Variants in RBBP6 observed in about 807,000 individuals in gnomAD.
The protein encoded by RBBP6 is E3 ubiquitin-protein ligase RBBP6.
RBBP6 carries 25 observed loss-of-function variants against 167.7 expected under a neutral mutation model. The observed-to-expected ratio is 0.15, with a 90% CI of 0.11 to 0.21. The LOEUF (loss-of-function observed/expected upper bound fraction) is 0.21, where lower values mean the gene tolerates loss of function less well. RBBP6 is among the 10% of genes least tolerant of loss of function. The pLI is 1.00. For missense variants in RBBP6, 1,868 were observed against 2,134.2 expected (o/e 0.88, Z 2.46); for synonymous variants, 789 against 735.8 (o/e 1.07, Z -1.17).
chr16:24,543,179 A>C (rs1898547548), intron 1 of RBBP6, among the ~76,000 whole-genome samples: 1 of 152,160 alleles, frequency 6.6e-6, no homozygotes, highest in South Asian at 2.1e-4. Context: ...ATCACAGTTA[A>C]GGTCCAGTTT....
At position 24,571,538 on chromosome 16, in the gene RBBP6, A is replaced by T; in HGVS notation, c.4472A>T (p.Lys1491Met). The part of the protein sequence containing the change: ...EYSSSKRRDE[K>M]NELTRRKDSP... ...TCAAGTTCCAAACGTAGAGATGAAAAGAATGAATTAACAAGACGAAAAGAC... is the reference window on the plus strand; with the variant it reads ...TCAAGTTCCAAACGTAGAGATGAAATGAATGAATTAACAAGACGAAAAGAC... Residue 1491 changes from lysine to methionine, a missense_variant, in exon 18 of 18, where the codon AAG becomes ATG. Around this residue, in one of 7 missense-constraint regions of RBBP6, gnomAD observed 591 missense variants for 540.5 expected, o/e 1.09. Coordinates refer to ENST00000319715, the MANE Select transcript of RBBP6 (RefSeq NM_006910.5). 1 of 1,613,770 alleles carries T rather than the reference A, an allele frequency of 6.2e-7. No individual in the cohort carries two copies. The highest frequency in any genetic ancestry group is 1.1e-5 in the South Asian group (1 of 90,926).
At chr16:24,543,444 G>C (rs1017562908) in intron 1 of RBBP6, among the ~76,000 whole-genome samples, 1 of 151,784 alleles carries the variant, frequency 6.6e-6, no homozygotes, top group Non-Finnish European at 1.5e-5. Context: ...CACCATGCCT[G>C]GCTAATTTAT....
chr16:24,556,919 T>C (rs1898924180), intron 7 of RBBP6, among the ~76,000 whole-genome samples: 1 of 152,060 alleles, frequency 6.6e-6, no homozygotes, highest in Non-Finnish European at 1.5e-5. Context: ...CATGTGAGTC[T>C]TAAGATTCTC....
At chr16:24,548,567 G>C (rs1898721119) in intron 2 of RBBP6, among the ~76,000 whole-genome samples, 1 of 152,212 alleles carries the variant, frequency 6.6e-6, no homozygotes, top group East Asian at 1.9e-4. Flanking sequence ...TTCCTGATGT[G>C]TGAAAATTTA....
chr16:24,549,633 G>C (rs1024339501), intron 3 of RBBP6, among the ~76,000 whole-genome samples: 3 of 151,858 alleles, frequency 2.0e-5, no homozygotes, highest in African/African-American at 7.3e-5. Context: ...GTTTACATCT[G>C]TACTATAAAG....
chr16:24,542,860 A>G (rs1169421620), intron 1 of RBBP6, among the ~76,000 whole-genome samples: 1 of 152,188 alleles, frequency 6.6e-6, no homozygotes, highest in Non-Finnish European at 1.5e-5. Flanking sequence ...AATAAATGAT[A>G]CGTAATTCAA....
intron 1 of RBBP6, among the ~76,000 whole-genome samples, chr16:24,544,329 A>G (rs1898581285): frequency 6.6e-6 from 1 of 152,220 alleles, no homozygotes. Flanking sequence ...GATAAAGATT[A>G]TAGTCCTACA....
At chr16:24,565,260 C>T (rs1899165914) in intron 14 of RBBP6, among the ~76,000 whole-genome samples, 1 of 152,216 alleles carries the variant, frequency 6.6e-6, no homozygotes. Context: ...AACTATTTCT[C>T]TTCTAGACCC....
chr16:24,542,584 A>G (rs1234277859), intron 1 of RBBP6, among the ~76,000 whole-genome samples: 1 of 151,860 alleles, frequency 6.6e-6, no homozygotes. Flanking sequence ...TCAGCCTCCC[A>G]AGTAGCTGGG....
intron 3 of RBBP6, among the ~76,000 whole-genome samples, chr16:24,552,489 A>G (rs184572683): frequency 6.6e-6 from 1 of 152,056 alleles, no homozygotes; most frequent in African/African-American, 2.4e-5. Context: ...CTGTAGGGAA[A>G]TCATATCTTC....
chr16:24,545,132 C>T (rs1384477809), intron 1 of RBBP6, among the ~76,000 whole-genome samples: 1 of 152,168 alleles, frequency 6.6e-6, no homozygotes, highest in Non-Finnish European at 1.5e-5. Context: ...GGCTGGAGTG[C>T]AGTGGCGCGA....
chr16:24,558,623 T>C (rs1898974867), intron 7 of RBBP6: 2 of 630,558 alleles, frequency 3.2e-6, no homozygotes, highest in Non-Finnish European at 4.0e-6. Context: ...AGGGTTTCTC[T>C]AGGGATTCCT....
Position 24,571,469 on chromosome 16 carries a change from C to A in RBBP6, c.4403C>A (p.Thr1468Asn), listed in dbSNP as rs1596515948. The A allele has an allele frequency of 6.2e-7, 1 of 1,612,706 alleles. No individual in the cohort carries two copies. The highest frequency in any genetic ancestry group is 8.5e-7 in the Non-Finnish European group (1 of 1,179,742). ...CGTGCTTCCTCAAATAAAGACTTCA[C>A]TCCCAATAGAGACAAAAAAACTGAC... is the stretch of plus-strand genomic sequence containing the variant. ...STRASSNKDF[T>N]PNRDKKTDYD... The change falls in exon 18 of 18, where the codon ACT becomes AAT. Residue 1468 changes from threonine to asparagine, a missense_variant. Around this residue, in one of 7 missense-constraint regions of RBBP6, gnomAD observed 591 missense variants for 540.5 expected, o/e 1.09. Coordinates refer to ENST00000319715, the MANE Select transcript of RBBP6 (RefSeq NM_006910.5).
intron 3 of RBBP6, chr16:24,553,187 C>T: frequency 4.7e-6 from 1 of 211,872 alleles, no homozygotes; most frequent in Non-Finnish European, 9.4e-6. Flanking sequence ...TGTACATTGT[C>T]TTGAGTATTG....
intron 8 of RBBP6, chr16:24,559,892 T>C (rs1348184465): frequency 3.0e-6 from 1 of 330,654 alleles, no homozygotes; most frequent in Non-Finnish European, 5.3e-6. Flanking sequence ...AATTGACTTC[T>C]GTACCTTCAT....
Position 24,567,518 on chromosome 16 carries a change from A to T in RBBP6, c.1952+13A>T. On this transcript the variant is annotated intron_variant, in intron 15 of 17. Coordinates refer to ENST00000319715, the MANE Select transcript of RBBP6 (RefSeq NM_006910.5). The stretch of plus-strand genomic sequence containing the variant: ...GACTAAAAGAAGAGTATGTATTCTA[A>T]TTTGAAATTATTATACACTTTTTTC... 6.3e-7 allele frequency: 1 copy of T among 1,579,574 alleles called. No individual in the cohort carries two copies. Among genetic ancestry groups the T allele is most frequent in the Non-Finnish European group, 8.6e-7 (1 of 1,163,246 alleles).
At position 24,540,780 on chromosome 16, in the gene RBBP6, C is replaced by G; in HGVS notation, c.154C>G (p.Gln52Glu). The change falls in exon 1 of 18, where the codon CAG becomes GAG. Residue 52 changes from glutamine (Q) to glutamate (E), a missense_variant. Transcript: ENST00000319715. Reference protein sequence around the residue: ...ADCDLQITNAQTKEEYTDDNA... With the variant: ...ADCDLQITNAETKEEYTDDNA... The stretch of plus-strand genomic sequence containing the variant: ...CTGCGACCTGCAGATCACCAATGCG[C>G]AGACGAAAGAAGGTAAGGGCCGCTT... 1.9e-6 allele frequency: 3 copies of G among 1,613,108 alleles called. No individual in the cohort carries two copies. Among genetic ancestry groups the G allele is most frequent in the Non-Finnish European group, 2.5e-6 (3 of 1,179,720 alleles).
chr16:24,568,858 A>C lies in RBBP6; in HGVS notation c.2168A>C (p.His723Pro). Reference sequence around the variant, plus strand: ...TATTCTCGATCATTCAGCCGCTCACATTCTCGTTCCTATTCACGGTCACCT... The same window carrying C: ...TATTCTCGATCATTCAGCCGCTCACCTTCTCGTTCCTATTCACGGTCACCT... ...RSYSRSFSRS[H>P]SRSYSRSPPY... is the part of the protein sequence containing the mutation. The change falls in exon 17 of 18, where the codon CAT (histidine) becomes CCT (proline). Residue 723 changes from histidine to proline, a missense_variant. His to Pro is a moderately conservative substitution (Grantham distance 77). Coordinates refer to ENST00000319715, the MANE Select transcript of RBBP6 (RefSeq NM_006910.5). 2 of 1,614,238 alleles carry C rather than the reference A, an allele frequency of 1.2e-6. No individual in the cohort carries two copies. Among genetic ancestry groups the C allele is most frequent in the Non-Finnish European group, 1.7e-6 (2 of 1,180,034 alleles).
chr16:24,549,418 C>T (rs1478440379), intron 3 of RBBP6: 11 of 971,230 alleles, frequency 1.1e-5, no homozygotes, highest in East Asian at 1.1e-4. Flanking sequence ...GCCATTTTCA[C>T]GTTGTATCAC....
Sources: gnomAD v4.1 joint callset for allele counts (sites outside exome capture counted in the v4.1 genomes callset) on GRCh38, gnomAD v4.1.1 for gene constraint, gnomAD v4.1.1 regional missense constraint, MANE v1.5 for transcripts, NCBI Gene and HGNC (gene_info 2026-07-23, HGNC 2026-07-21) for gene names.